The following IFT56 variants were observed in gnomAD, a reference collection of about 807,000 sequenced individuals.
IFT56 encodes the protein intraflagellar transport 56.
At chr7:139,165,765 C>T in the IFT56 span, among the ~76,000 whole-genome samples, 1 of 152,136 alleles carries the variant, frequency 6.6e-6, no homozygotes, top group Non-Finnish European at 1.5e-5. Flanking sequence ...TTTCTAACAG[C>T]TATGAGTACA....
chr7:139,138,004 A>G, the IFT56 span: 5 of 913,818 alleles, frequency 5.5e-6, 1 homozygote, highest in Middle Eastern at 7.4e-4. Flanking sequence ...ACTTTATATT[A>G]TAATAATACA....
chr7:139,188,123 TAG>T, the IFT56 span, among the ~76,000 whole-genome samples: 1 of 150,262 alleles, frequency 6.7e-6, no homozygotes, highest in Non-Finnish European at 1.5e-5. Context: ...TTTTTTTAGA[TAG>T]AGTCTTGCTC....
the IFT56 span, chr7:139,134,928 T>C: frequency 1.1e-6 from 1 of 874,270 alleles, no homozygotes; most frequent in South Asian, 2.0e-5. Context: ...CCTGTAAATC[T>C]AGTCAGGCAC....
At chr7:139,155,132 A>C in the IFT56 span, among the ~76,000 whole-genome samples, 2 of 152,156 alleles carry the variant, frequency 1.3e-5, no homozygotes, top group Non-Finnish European at 2.9e-5. Context: ...TGTTCATTGC[A>C]AGAGAATAGA....
the IFT56 span, among the ~76,000 whole-genome samples, chr7:139,177,611 A>ATAGTGTGTGT: frequency 6.7e-6 from 1 of 148,476 alleles, no homozygotes; most frequent in African/African-American, 2.5e-5. Flanking sequence ...ATATATATAT[A>ATAGTGTGTGT]GTGTGTGTGT....
the IFT56 span, among the ~76,000 whole-genome samples, chr7:139,180,541 C>A: frequency 1.8e-4 from 27 of 151,988 alleles, no homozygotes; most frequent in African/African-American, 6.3e-4. Context: ...AAAACCTCAG[C>A]TCTACTAAAA....
the IFT56 span, among the ~76,000 whole-genome samples, chr7:139,145,472 T>C: frequency 1.3e-5 from 2 of 152,088 alleles, no homozygotes; most frequent in Non-Finnish European, 2.9e-5. Context: ...TCACCCAGGC[T>C]GGAGTGCAAT....
At chr7:139,158,384 TTGA>T in the IFT56 span, among the ~76,000 whole-genome samples, 1 of 151,928 alleles carries the variant, frequency 6.6e-6, no homozygotes, top group Admixed American at 6.6e-5. Flanking sequence ...GGAAAAGCTT[TTGA>T]TGATATTTCA....
At chr7:139,144,414 T>C in the IFT56 span, among the ~76,000 whole-genome samples, 6 of 152,100 alleles carry the variant, frequency 3.9e-5, no homozygotes, top group Non-Finnish European at 7.4e-5. Context: ...TATACATTGG[T>C]TTTTGTTATT....
At chr7:139,145,720 T>C in the IFT56 span, among the ~76,000 whole-genome samples, 2 of 151,976 alleles carry the variant, frequency 1.3e-5, no homozygotes, top group Non-Finnish European at 2.9e-5. Context: ...CTGCCCCTTT[T>C]ACACAGATTT....
At chr7:139,155,365 C>A in the IFT56 span, among the ~76,000 whole-genome samples, 1 of 152,128 alleles carries the variant, frequency 6.6e-6, no homozygotes, top group Non-Finnish European at 1.5e-5. Flanking sequence ...GTGCTGAGAG[C>A]AGATATCCTT....
chr7:139,184,818 G>A, the IFT56 span, among the ~76,000 whole-genome samples: 64 of 150,820 alleles, frequency 4.2e-4, 1 homozygote, highest in African/African-American at 1.5e-3. Context: ...ACTTTGGGAG[G>A]CTGAGGCGGG....
the IFT56 span, among the ~76,000 whole-genome samples, chr7:139,147,519 GAAATTTTAATAT>G: frequency 6.6e-6 from 1 of 151,994 alleles, no homozygotes; most frequent in Non-Finnish European, 1.5e-5. Flanking sequence ...GCCCTCCCAT[GAAATTTTAATAT>G]ACTGATAGAT....
At chr7:139,176,211 T>C in the IFT56 span, among the ~76,000 whole-genome samples, 3 of 152,008 alleles carry the variant, frequency 2.0e-5, no homozygotes, top group South Asian at 6.3e-4. Flanking sequence ...TATAATTGGA[T>C]TGTTTGTAAC....
chr7:139,172,821 C>A, the IFT56 span: 9 of 658,100 alleles, frequency 1.4e-5, no homozygotes, highest in Non-Finnish European at 2.6e-5. Context: ...TAGTTTTTCT[C>A]CCTTCAAAGC....
At chr7:139,174,360 G>A in the IFT56 span, 8 of 504,036 alleles carry the variant, frequency 1.6e-5, no homozygotes, top group African/African-American at 7.8e-5. Flanking sequence ...GTGTAGTCCA[G>A]AGGCCTCCTC....
the IFT56 span, chr7:139,140,046 A>G: frequency 1.5e-6 from 2 of 1,321,902 alleles, no homozygotes; most frequent in Non-Finnish European, 2.1e-6. Flanking sequence ...TTCATAGTTA[A>G]GAGTTGTTTT....
chr7:139,174,110 C>A, the IFT56 span: 1 of 595,038 alleles, frequency 1.7e-6, no homozygotes, highest in Non-Finnish European at 3.3e-6. Flanking sequence ...GCTTTTCTTG[C>A]CAATTGATGC....
At chr7:139,189,339 G>T in the IFT56 span, 6 of 1,610,926 alleles carry the variant, frequency 3.7e-6, no homozygotes, top group South Asian at 6.6e-5. Flanking sequence ...TTCGAGAAGT[G>T]CTCCATTTAC....
Sources: allele counts gnomAD v4.1 joint callset (sites outside exome capture counted in the v4.1 genomes callset), GRCh38; gene constraint gnomAD v4.1.1; transcripts MANE v1.5; gene names NCBI Gene and HGNC (gene_info 2026-07-23, HGNC 2026-07-21).